Variants in SYT6 observed in about 807,000 individuals in gnomAD.
SYT6 encodes synaptotagmin-6.
In SYT6, 24 loss-of-function variants were observed where a neutral mutation model predicts 38.4. The ratio of observed to expected loss-of-function variants is 0.62; its 90% CI spans 0.45 to 0.88. The LOEUF (loss-of-function observed/expected upper bound fraction) is 0.88. SYT6 is among the 40% of genes least tolerant of loss of function. The pLI, the probability that SYT6 is intolerant of heterozygous loss-of-function variation, is 0.00. For missense variants in SYT6, 611 were observed against 621.0 expected (o/e 0.98, Z 0.17); for synonymous variants, 265 against 241.9 (o/e 1.10, Z -0.89).
chr1:114,097,716 A>T lies in SYT6; in HGVS notation c.1515+11T>A, dbSNP rs369138844. 5.0e-6 allele frequency: 8 copies of T among 1,613,460 alleles called. No homozygotes were observed. In the East Asian group the frequency reaches 8.9e-5, roughly 18 times the overall value. Reference sequence around the variant, plus strand: ...CAGCAAACATGCCAAGGGCCAGGTGACCTCACCCACCTCTTTGAAGGATTT... The same window carrying T: ...CAGCAAACATGCCAAGGGCCAGGTGTCCTCACCCACCTCTTTGAAGGATTT... On this transcript the variant is annotated intron_variant, in intron 6 of 7. Coordinates refer to ENST00000610222, the MANE Select transcript of SYT6 (RefSeq NM_001253772.2).
chr1:114,137,359 G>A (rs1473400060), intron 3 of SYT6, 136 bp downstream of exon 3: 8 of 999,572 alleles, frequency 8.0e-6, no homozygotes, highest in African/African-American at 4.9e-5. Context: ...GGGCCACTGG[G>A]CAGTTTCCAG....
chr1:114,148,961 A>G (rs10776779), intron 1 of SYT6, among the ~76,000 whole-genome samples: 43,169 of 151,882 alleles, frequency 0.28, 6,605 homozygotes, highest in Middle Eastern at 0.43. Flanking sequence ...TGGACAGAGA[A>G]GTTGGAGTGG....
At chr1:114,108,024 C>G (rs1045659310) in intron 3 of SYT6, among the ~76,000 whole-genome samples, 12 of 152,330 alleles carry the variant, frequency 7.9e-5, no homozygotes, top group South Asian at 4.1e-4. Context: ...GCCCTCTAGA[C>G]TTCTAACCTA....
chr1:114,097,146 C>A (rs1223825938), intron 6 of SYT6, among the ~76,000 whole-genome samples: 1 of 152,260 alleles, frequency 6.6e-6, no homozygotes, highest in East Asian at 1.9e-4. Flanking sequence ...GTGCTGTCTC[C>A]ATTACGTCTC....
At chr1:114,102,595 T>G (rs757056827) in intron 4 of SYT6, among the ~76,000 whole-genome samples, 7 of 150,042 alleles carry the variant, frequency 4.7e-5, no homozygotes, top group Non-Finnish European at 8.9e-5. Context: ...TTCCAGCAAA[T>G]AAATAAAGAA....
chr1:114,092,545 G>T (rs1198000459), intron 7 of SYT6, among the ~76,000 whole-genome samples: 1 of 152,170 alleles, frequency 6.6e-6, no homozygotes, highest in East Asian at 1.9e-4. Context: ...CTAAAAATCT[G>T]ATACTGCTTT....
chr1:114,099,967 C>G (rs970157231), intron 4 of SYT6, among the ~76,000 whole-genome samples: 1 of 152,028 alleles, frequency 6.6e-6, no homozygotes, highest in Non-Finnish European at 1.5e-5. Flanking sequence ...AGCTGTGGCC[C>G]GGGGAGACTC....
chr1:114,144,865 G>C (rs935742740), intron 1 of SYT6, among the ~76,000 whole-genome samples: 1 of 152,068 alleles, frequency 6.6e-6, no homozygotes, highest in African/African-American at 2.4e-5. Flanking sequence ...TACTTGCCTA[G>C]ATCAGTTATC....
At chr1:114,129,588 CTTTCTTTCT>C (rs757815868) in intron 3 of SYT6, among the ~76,000 whole-genome samples, 1 of 95,570 alleles carries the variant, frequency 1.0e-5, no homozygotes, top group Non-Finnish European at 2.2e-5. Context: ...TTCTTTCTTT[CTTTCTTTCT>C]TTCTTTCTTT....
chr1:114,150,354 A>G (rs1557773317), intron 1 of SYT6, among the ~76,000 whole-genome samples: 1 of 152,212 alleles, frequency 6.6e-6, no homozygotes, highest in Non-Finnish European at 1.5e-5. Flanking sequence ...CTAGAACTCT[A>G]AAGCTCAAAA....
At chr1:114,129,550 T>C (rs1677962222) in intron 3 of SYT6, among the ~76,000 whole-genome samples, 1 of 142,366 alleles carries the variant, frequency 7.0e-6, no homozygotes, top group African/African-American at 2.5e-5. Flanking sequence ...TTTTTTTCTG[T>C]CTTTTTTTCT....
intron 3 of SYT6, among the ~76,000 whole-genome samples, chr1:114,110,598 T>C (rs1255303320): frequency 6.6e-6 from 1 of 152,202 alleles, no homozygotes; most frequent in Admixed American, 6.5e-5. Flanking sequence ...TTGCTTCCTA[T>C]GAAAAGCAGA....
intron 1 of SYT6, among the ~76,000 whole-genome samples, chr1:114,150,941 A>G (rs935543986): frequency 2.6e-5 from 4 of 152,222 alleles, no homozygotes; most frequent in African/African-American, 7.2e-5. Flanking sequence ...TCTCAGTCTC[A>G]GGGTGTTACT....
rs377145374 is a variant in SYT6 at position 114,139,639 on chromosome 1, G to A, written c.488C>T (p.Thr163Ile). 1.2e-6 allele frequency: 2 copies of A among 1,614,100 alleles called. No individual in the cohort carries two copies. Among genetic ancestry groups the A allele is most frequent in the African/African-American group, 1.3e-5 (1 of 74,932 alleles). The change falls in exon 2 of 8, where the codon ACT becomes ATT. Residue 163 changes from threonine (T) to isoleucine (I), a missense_variant. Coordinates refer to ENST00000610222, the MANE Select transcript of SYT6 (RefSeq NM_001253772.2). ...CCTGGTGGATGACGCTGGCTCTGTA[G>A]TTTGCCGCTGCAGCCGGGTGTGACG... ...IMRHTRLQRQ[T>I]TEPASSTRHT... is the part of the protein sequence containing the mutation.
rs964287825 is a variant in SYT6 at position 114,137,824 on chromosome 1, C to G, written c.742G>C (p.Val248Leu). The G allele has an allele frequency of 4.3e-6, 7 of 1,614,042 alleles. No individual in the cohort carries two copies. The highest frequency in any genetic ancestry group is 5.9e-6 in the Non-Finnish European group (7 of 1,180,022). The part of the protein sequence containing the change: ...RYDYETETLI[V>L]RILKAFDLPA... ...AGGTCAAAAGCCTTCAGGATACGCACAATCAGGGTCTCGGTCTCGTAATCG... is the reference window on the plus strand; with the variant it reads ...AGGTCAAAAGCCTTCAGGATACGCAGAATCAGGGTCTCGGTCTCGTAATCG... Residue 248 changes from valine (V) to leucine (L), a missense_variant, in exon 3 of 8, where the codon GTG becomes CTG. By Grantham distance (32) the Val-to-Leu change is conservative (BLOSUM62 1). Transcript: ENST00000610222.
Position 114,090,054 on chromosome 1 carries a change from G to T in SYT6, c.*2080C>A, listed in dbSNP as rs1675210898. The T allele has an allele frequency of 6.6e-6, 1 of 152,332 alleles. No individual in the cohort carries two copies. 9.4% of individuals were successfully genotyped at this position (152,332 alleles called of 1,614,324 possible). ...TGAATTTTGAGTTCACTTCCAGAAG[G>T]ACCTTCTCACACTAATTTCTGGACT... On this transcript the variant is annotated 3_prime_UTR_variant, in exon 8 of 8. Coordinates refer to ENST00000610222, the MANE Select transcript of SYT6 (RefSeq NM_001253772.2).
Position 114,089,903 on chromosome 1 carries a change from T to G in SYT6, c.*2231A>C, listed in dbSNP as rs1675203814. 1 of 152,366 alleles carries G rather than the reference T, an allele frequency of 6.6e-6. No individual in the cohort carries two copies. The highest frequency in any genetic ancestry group is 2.4e-5 in the African/African-American group (1 of 41,440). 9.4% of individuals were successfully genotyped at this position (152,366 alleles called of 1,614,324 possible). A position where few individuals can be genotyped will look rare whatever the true frequency, so the allele number is the denominator to read the frequency against. On this transcript the variant is annotated 3_prime_UTR_variant, in exon 8 of 8. Transcript: ENST00000610222. ...TGTTCACTCATGGGAGATAGCTGCT[T>G]GGATATAAGAGGAATGTCTCAGATG...
chr1:114,138,006 C>G lies in SYT6; in HGVS notation c.560G>C (p.Ser187Thr), dbSNP rs776619825. The change falls in exon 3 of 8, where the codon AGT becomes ACT. Residue 187 changes from serine to threonine, a missense_variant. Physicochemically the swap from Ser to Thr is moderately conservative, Grantham distance 58. Coordinates refer to ENST00000610222, the MANE Select transcript of SYT6 (RefSeq NM_001253772.2). ...RHLPRQMHVS[S>T]VDYGNELPPA... ...TGGAAGCTCATTGCCATAGTCTACA[C>G]TGGAGACATGCATCTGCCTTGGCAG... 1.2e-6 allele frequency: 2 copies of G among 1,613,942 alleles called. No homozygotes were observed. Among genetic ancestry groups the G allele is most frequent in the South Asian group, 2.2e-5 (2 of 91,046 alleles).
At chr1:114,134,485 A>G (rs894655255) in intron 3 of SYT6, among the ~76,000 whole-genome samples, 1 of 152,232 alleles carries the variant, frequency 6.6e-6, no homozygotes, top group Non-Finnish European at 1.5e-5. Flanking sequence ...TGTGGGTCAC[A>G]AGCCATTCCT....
Sources: gnomAD v4.1 joint callset for allele counts (sites outside exome capture counted in the v4.1 genomes callset) on GRCh38, gnomAD v4.1.1 for gene constraint, MANE v1.5 for transcripts, NCBI Gene and HGNC (gene_info 2026-07-23, HGNC 2026-07-21) for gene names.